Variants in KIAA1671 observed in about 807,000 individuals in gnomAD.
KIAA1671 encodes the protein uncharacterized protein KIAA1671.
KIAA1671 carries 52 observed loss-of-function variants against 131.2 expected under a neutral mutation model. The observed-to-expected ratio is 0.40, with a 90% CI of 0.32 to 0.50. The LOEUF is 0.50. Ranked by LOEUF, KIAA1671 falls within the 20% of genes least tolerant of loss-of-function variation. The pLI, the probability that KIAA1671 is intolerant of heterozygous loss-of-function variation, is 0.73. For synonymous variants in KIAA1671, 1,003 were observed against 961.6 expected (o/e 1.04, Z -0.80); for missense variants, 2,360 against 2,364.2 (o/e 1.00, Z 0.04).
chr22:25,117,612 C>T (rs1432990994), intron 6 of KIAA1671, among the ~76,000 whole-genome samples: 1 of 151,180 alleles, frequency 6.6e-6, no homozygotes, highest in African/African-American at 2.4e-5. Context: ...CACACACACA[C>T]ACACACACAC....
chr22:25,182,912 C>T (rs941497829), intron 10 of KIAA1671, among the ~76,000 whole-genome samples: 1 of 152,176 alleles, frequency 6.6e-6, no homozygotes, highest in South Asian at 2.1e-4. Flanking sequence ...AACCAAGTCC[C>T]AGTCTCCCAA....
At chr22:25,140,610 C>T (rs1421152160) in intron 6 of KIAA1671, among the ~76,000 whole-genome samples, 4 of 152,150 alleles carry the variant, frequency 2.6e-5, no homozygotes, top group South Asian at 2.1e-4. Context: ...TCACACAGGG[C>T]GTGAACACCA....
intron 6 of KIAA1671, among the ~76,000 whole-genome samples, chr22:25,120,224 T>G (rs1385791794): frequency 6.6e-6 from 1 of 152,212 alleles, no homozygotes; most frequent in Non-Finnish European, 1.5e-5. Context: ...TGCCCTGGTC[T>G]CGGGCTGCAC....
chr22:25,044,212 T>G (rs1927100697), intron 5 of KIAA1671, among the ~76,000 whole-genome samples: 2 of 152,174 alleles, frequency 1.3e-5, no homozygotes, highest in Admixed American at 1.3e-4. Context: ...CTGGCCTCAG[T>G]TGCCATGCCA....
chr22:24,990,587 G>A (rs1923785706), intron 1 of KIAA1671, among the ~76,000 whole-genome samples: 1 of 152,246 alleles, frequency 6.6e-6, no homozygotes, highest in African/African-American at 2.4e-5. Flanking sequence ...TGAGGTTTGG[G>A]CTGCAGAACC....
chr22:25,017,685 T>G (rs1057467354), intron 1 of KIAA1671, among the ~76,000 whole-genome samples: 2 of 152,186 alleles, frequency 1.3e-5, no homozygotes, highest in Admixed American at 6.5e-5. Flanking sequence ...ATTGAATAAT[T>G]TATTGCCCAA....
chr22:25,111,180 C>G lies in KIAA1671; in HGVS notation c.4531-59640C>G, dbSNP rs971495091. The stretch of plus-strand genomic sequence containing the variant: ...TAACCTTAGAGGCAGAAGCCGTTTC[C>G]CAGCAGTGCTAACCTTCCCGGGGCT... On this transcript the variant is annotated intron_variant, in intron 6 of 12. Coordinates refer to ENST00000358431, the MANE Select transcript of KIAA1671 (RefSeq NM_001145206.2). Among the ~76,000 whole-genome samples the G allele has an allele frequency of 2.6e-5, 4 of 152,200 alleles. No homozygotes were observed. The East Asian group carries it at 7.7e-4, about 29-fold the overall frequency.
chr22:25,190,657 C>G, intron 11 of KIAA1671, 45 bp from the exon 12 acceptor site: 2 of 1,493,370 alleles, frequency 1.3e-6, no homozygotes, highest in Non-Finnish European at 9.1e-7. Context: ...GCAAGGAGCC[C>G]ACAGTCTGGT....
chr22:25,133,892 T>G (rs562827560), intron 6 of KIAA1671, among the ~76,000 whole-genome samples: 1 of 152,290 alleles, frequency 6.6e-6, no homozygotes, highest in Non-Finnish European at 1.5e-5. Flanking sequence ...CATGCATAGA[T>G]GTATACATCA....
chr22:25,041,328 C>T lies in KIAA1671; in HGVS notation c.4198C>T (p.Arg1400Trp), dbSNP rs6004404. 2.9e-4 allele frequency: 453 copies of T among 1,551,664 alleles called. 2 individuals carry two copies. The African/African-American group carries it at 4.2e-3, about 14-fold the overall frequency. ...QWGDHPRDCG[R>W]VPLDIKRAYS... ...GGGTGACCACCCACGTGACTGTGGA[C>T]GGGTGCCGCTGGATATCAAGAGGGC... Residue 1400 changes from arginine (R) to tryptophan (W), a missense_variant, in exon 5 of 13, where the codon CGG becomes TGG. Around this residue, in one of 3 missense-constraint regions of KIAA1671, gnomAD observed 1,161 missense variants for 1,204.7 expected, o/e 0.96. Transcript: ENST00000358431.
chr22:25,164,109 A>G (rs1467807166), intron 6 of KIAA1671, among the ~76,000 whole-genome samples: 2 of 152,216 alleles, frequency 1.3e-5, no homozygotes, highest in Non-Finnish European at 2.9e-5. Context: ...AAGCCAGTCC[A>G]GGCAAGTGGT....
At chr22:24,958,729 C>T (rs545134949) in intron 1 of KIAA1671, among the ~76,000 whole-genome samples, 4 of 149,434 alleles carry the variant, frequency 2.7e-5, no homozygotes, top group South Asian at 4.3e-4. Context: ...CCAGCACTTT[C>T]GGAGGCAGAG....
In KIAA1671 at chr22:25,029,163, A is replaced by C. The variant is rs1341905753; in HGVS notation, c.1164A>C (p.Glu388Asp). The C allele has an allele frequency of 1.9e-5, 28 of 1,455,804 alleles. No individual in the cohort carries two copies. The Admixed American group carries it at 2.3e-4, about 12-fold the overall frequency. The allele number at this position is 1,455,804 out of a possible 1,614,324, so 90.2% of individuals were successfully genotyped here. A position where few individuals can be genotyped will look rare whatever the true frequency, so the allele number is the denominator to read the frequency against. ...GCAATGACCAGAGTCCCTGGGAAGA[A>C]AAGGCCAAGCTGGACCCAGAGCCAG... The part of the protein sequence containing the change: ...TPSNDQSPWE[E>D]KAKLDPEPEK... The change falls in exon 3 of 13, where the codon GAA becomes GAC. Residue 388 changes from glutamate to aspartate, a missense_variant. By Grantham distance (45) the Glu-to-Asp change is conservative. This residue lies in a region of KIAA1671 where 1,185 missense variants were observed against 1,126.2 expected (regional missense o/e 1.05). Coordinates refer to ENST00000358431, the MANE Select transcript of KIAA1671 (RefSeq NM_001145206.2).
intron 6 of KIAA1671, chr22:25,063,554 TGGG>T (rs1244972681): frequency 3.5e-5 from 5 of 143,664 alleles, no homozygotes; most frequent in Non-Finnish European, 7.8e-5. Context: ...TTTGGGGACT[TGGG>T]GGGAAGGTTG....
rs775855829 is a variant in KIAA1671, at chr22:25,174,453, C to T, written c.4863C>T (p.Cys1621=). 6.5e-7 allele frequency: 1 copy of T among 1,542,554 alleles called. No individual in the cohort carries two copies. The highest frequency in any genetic ancestry group is 1.2e-5 in the South Asian group (1 of 83,306). The change falls in exon 8 of 13, where the codon TGC becomes TGT. Residue 1621 remains cysteine, a synonymous_variant. Coordinates refer to ENST00000358431, the MANE Select transcript of KIAA1671 (RefSeq NM_001145206.2). ...AGGGGCCGCCTCCACCGGACGCCTGCCCTGAAAAGAGAGTAGATGACTTCT... is the reference window on the plus strand; with the variant it reads ...AGGGGCCGCCTCCACCGGACGCCTGTCCTGAAAAGAGAGTAGATGACTTCT... The part of the protein sequence containing the change: ...GMEGPPPPDA[C]PEKRVDDFSF...
intron 6 of KIAA1671, among the ~76,000 whole-genome samples, chr22:25,099,752 A>T (rs765084961): frequency 1.6e-4 from 25 of 151,878 alleles, no homozygotes; most frequent in Non-Finnish European, 2.6e-4. Flanking sequence ...TGACCTCATG[A>T]TCCACCCGCC....
chr22:25,088,952 C>T (rs113738906), intron 6 of KIAA1671, among the ~76,000 whole-genome samples: 8 of 152,342 alleles, frequency 5.3e-5, no homozygotes, highest in African/African-American at 1.9e-4. Context: ...TCCGTGGATT[C>T]AACCAACCAT....
At chr22:25,168,624 C>T (rs1042071062) in intron 6 of KIAA1671, among the ~76,000 whole-genome samples, 2 of 151,442 alleles carry the variant, frequency 1.3e-5, no homozygotes, top group African/African-American at 2.4e-5. Context: ...ACCTGGGAGG[C>T]GGAGGTTGCG....
chr22:25,145,804 G>A (rs935778145), intron 6 of KIAA1671, among the ~76,000 whole-genome samples: 1 of 152,194 alleles, frequency 6.6e-6, no homozygotes, highest in African/African-American at 2.4e-5. Flanking sequence ...GCTGCATATG[G>A]TGGCAGGCAC....
Sources: allele counts gnomAD v4.1 joint callset (sites outside exome capture counted in the v4.1 genomes callset), GRCh38; gene constraint gnomAD v4.1.1; regional missense constraint gnomAD v4.1.1; transcripts MANE v1.5; gene names NCBI Gene and HGNC (gene_info 2026-07-23, HGNC 2026-07-21).